Variants in PTPRQ observed in about 807,000 individuals in gnomAD.
PTPRQ encodes the protein protein tyrosine phosphatase receptor type Q, also known as phosphatidylinositol phosphatase PTPRQ.
PTPRQ carries 199 observed loss-of-function variants against 246.0 expected under a neutral mutation model. That is an observed-to-expected ratio of 0.81 (90% CI 0.72 to 0.91). PTPRQ has a LOEUF of 0.91. Among genes scored for constraint, PTPRQ ranks in the 40% least tolerant of loss-of-function variants. The pLI, the probability that PTPRQ is intolerant of heterozygous loss-of-function variation, is 0.00. For synonymous variants in PTPRQ, 869 were observed against 853.2 expected (o/e 1.02, Z -0.32); for missense variants, 2,624 against 2,528.4 (o/e 1.04, Z -0.81).
intron 35 of PTPRQ, among the ~76,000 whole-genome samples, chr12:80,645,660 G>T (rs1416093402): frequency 6.6e-6 from 1 of 151,760 alleles, no homozygotes; most frequent in African/African-American, 2.4e-5. Context: ...TTTGTCCTTG[G>T]AAATTTGATT....
At chr12:80,466,185 A>T (rs1353480940) in intron 6 of PTPRQ, among the ~76,000 whole-genome samples, 7 of 152,176 alleles carry the variant, frequency 4.6e-5, no homozygotes, top group Non-Finnish European at 7.3e-5. Flanking sequence ...AATGTACAAA[A>T]ATCATAGGCA....
chr12:80,526,674 C>T (rs769948854), intron 17 of PTPRQ, among the ~76,000 whole-genome samples: 6 of 151,982 alleles, frequency 3.9e-5, no homozygotes, highest in Non-Finnish European at 7.4e-5. Flanking sequence ...CCAGGAGTAA[C>T]AATATTATAA....
chr12:80,596,219 TAGAA>T (rs1225509173), intron 26 of PTPRQ, among the ~76,000 whole-genome samples: 11 of 152,016 alleles, frequency 7.2e-5, no homozygotes, highest in Non-Finnish European at 8.8e-5. Context: ...AAGGAAATGA[TAGAA>T]AGCATATAAC....
At chr12:80,520,847 A>T (rs1592608646) in intron 17 of PTPRQ, among the ~76,000 whole-genome samples, 1 of 152,138 alleles carries the variant, frequency 6.6e-6, no homozygotes, top group East Asian at 1.9e-4. Flanking sequence ...TTATAGAAGC[A>T]TGTTTTATAA....
At chr12:80,547,461 A>G (rs1896340633) in intron 24 of PTPRQ, among the ~76,000 whole-genome samples, 1 of 152,080 alleles carries the variant, frequency 6.6e-6, no homozygotes, top group African/African-American at 2.4e-5. Context: ...ACTTCCTGGT[A>G]TGTTAGTGAA....
chr12:80,617,016 A>T (rs941748524), intron 30 of PTPRQ, among the ~76,000 whole-genome samples: 1 of 151,230 alleles, frequency 6.6e-6, no homozygotes, highest in Non-Finnish European at 1.5e-5. Flanking sequence ...ATTCTACCTG[A>T]TATGTCTCTT....
intron 35 of PTPRQ, 148 bp downstream of exon 35, chr12:80,635,221 A>G: frequency 4.1e-6 from 5 of 1,230,804 alleles, no homozygotes; most frequent in Non-Finnish European, 5.4e-6. Context: ...CGTCTTCTAC[A>G]CACTTCTCAC....
At chr12:80,491,389 G>C (rs1894445844) in intron 9 of PTPRQ, among the ~76,000 whole-genome samples, 1 of 151,954 alleles carries the variant, frequency 6.6e-6, no homozygotes, top group African/African-American at 2.4e-5. Context: ...TTATGTGTTT[G>C]TGATTCCTGC....
In PTPRQ at chr12:80,649,654, T is replaced by G; in HGVS notation, c.6009T>G (p.Phe2003Leu). 6.5e-7 allele frequency: 1 copy of G among 1,548,806 alleles called. No individual in the cohort carries two copies. The highest frequency in any genetic ancestry group is 1.2e-5 in the South Asian group (1 of 83,542). ...EELCTNNNLK[F>L]QEEFSELPKF... ...TTTGCACAAACAACAACCTAAAGTT[T>G]CAAGAAGAATTTTCGGTATGTTACT... Residue 2003 changes from phenylalanine (F) to leucine (L), a missense_variant, in exon 37 of 45, where the codon TTT becomes TTG. Phe to Leu is a conservative substitution (Grantham distance 22). Transcript: ENST00000644991.
chr12:80,536,737 A>T (rs1429858161), intron 19 of PTPRQ, among the ~76,000 whole-genome samples: 1 of 152,192 alleles, frequency 6.6e-6, no homozygotes, highest in East Asian at 1.9e-4. Context: ...AATGGGGCCT[A>T]GAGAGGCAAT....
chr12:80,493,961 A>G (rs137963176), intron 10 of PTPRQ, among the ~76,000 whole-genome samples: 248 of 152,156 alleles, frequency 1.6e-3, no homozygotes, highest in East Asian at 0.011. Context: ...AGTTTCTAAA[A>G]GGAGAATGTC....
At chr12:80,624,057 C>G (rs1899103159) in intron 33 of PTPRQ, among the ~76,000 whole-genome samples, 1 of 152,152 alleles carries the variant, frequency 6.6e-6, no homozygotes, top group South Asian at 2.1e-4. Flanking sequence ...CAGAAATACA[C>G]AGTCAGGTTT....
intron 14 of PTPRQ, among the ~76,000 whole-genome samples, chr12:80,499,767 T>G (rs1252579506): frequency 6.6e-6 from 1 of 150,476 alleles, no homozygotes. Context: ...AGATTGATTC[T>G]GTGTGTGTGT....
rs1393601855 is a variant in PTPRQ, at chr12:80,534,155, G to A, written c.2819G>A (p.Ser940Asn). 5.9e-6 allele frequency: 9 copies of A among 1,537,370 alleles called. No homozygotes were observed. The highest frequency in any genetic ancestry group is 4.9e-5 in the South Asian group (4 of 81,106). ...GGGAAAACAAGAAGCAATATCATTA[G>A]CTTTCAAACACCAGAGGGAGGTGAG... is the stretch of plus-strand genomic sequence containing the variant. ...GDGKTRSNII[S>N]FQTPEGAPSD... Residue 940 changes from serine (S) to asparagine (N), a missense_variant, in exon 18 of 45, where the codon AGC becomes AAC. By Grantham distance (46) the Ser-to-Asn change is conservative. Coordinates refer to ENST00000644991, the MANE Select transcript of PTPRQ (RefSeq NM_001145026.2).
At chr12:80,551,809 T>G (rs1231512392) in intron 25 of PTPRQ, among the ~76,000 whole-genome samples, 2 of 151,994 alleles carry the variant, frequency 1.3e-5, no homozygotes, top group South Asian at 4.1e-4. Flanking sequence ...GCATGCTATT[T>G]CACTATTTCA....
chr12:80,465,902 C>T (rs967800776), intron 6 of PTPRQ, among the ~76,000 whole-genome samples: 3 of 152,226 alleles, frequency 2.0e-5, no homozygotes, highest in African/African-American at 7.2e-5. Flanking sequence ...CAATATCATA[C>T]TGAATGGGCA....
At chr12:80,554,246 G>A (rs1466439974) in intron 25 of PTPRQ, among the ~76,000 whole-genome samples, 1 of 152,112 alleles carries the variant, frequency 6.6e-6, no homozygotes, top group Non-Finnish European at 1.5e-5. Flanking sequence ...AATGATAAAT[G>A]CTTGAGGTGA....
At chr12:80,643,289 T>C (rs566702489) in intron 35 of PTPRQ, among the ~76,000 whole-genome samples, 37 of 151,954 alleles carry the variant, frequency 2.4e-4, no homozygotes, top group African/African-American at 8.7e-4. Flanking sequence ...AGTACAAAAA[T>C]TAGCCAGGCA....
At position 80,494,943 on chromosome 12, in the gene PTPRQ, G is replaced by T; in HGVS notation, c.1551G>T (p.Arg517Ser). 2 of 1,541,254 alleles carry T rather than the reference G, an allele frequency of 1.3e-6. No individual in the cohort carries two copies. Among genetic ancestry groups the T allele is most frequent in the Non-Finnish European group, 1.8e-6 (2 of 1,142,458 alleles). ...ACTGAATTCAAACAGTAACTACAAG[G>T]AATCAGTATATTACTGACATTGCAG... is the stretch of plus-strand genomic sequence containing the variant. ...EDQTSPVVTT[R>S]NQYITDIAAE... The change falls in exon 11 of 45, where the codon AGG becomes AGT. Residue 517 changes from arginine to serine, a missense_variant. By Grantham distance (110) the Arg-to-Ser change is moderately radical. Coordinates refer to ENST00000644991, the MANE Select transcript of PTPRQ (RefSeq NM_001145026.2).
Sources: allele counts gnomAD v4.1 joint callset (sites outside exome capture counted in the v4.1 genomes callset), GRCh38; gene constraint gnomAD v4.1.1; transcripts MANE v1.5; gene names NCBI Gene and HGNC (gene_info 2026-07-23, HGNC 2026-07-21).